PAX5: variants seen among roughly 807,000 people sequenced by gnomAD.
PAX5 encodes the protein paired box protein Pax-5.
Under a neutral mutation model 43.7 loss-of-function variants are expected in PAX5, and 9 were observed. The observed-to-expected ratio is 0.21, with a 90% CI of 0.12 to 0.36. The LOEUF (loss-of-function observed/expected upper bound fraction) is 0.36. Ranked by LOEUF, PAX5 falls within the 10% of genes least tolerant of loss-of-function variation. The pLI, the probability that PAX5 is intolerant of heterozygous loss-of-function variation, is 1.00. For synonymous variants in PAX5, 228 were observed against 214.3 expected, an observed-to-expected ratio of 1.06 and a Z score of -0.56; for missense variants, 383 against 532.7, an observed-to-expected ratio of 0.72 and a Z score of 2.77.
chr9:37,026,563 A>G, intron 1 of PAX5: 1 of 1,339,794 alleles, frequency 7.5e-7, no homozygotes, highest in Non-Finnish European at 9.8e-7. Flanking sequence ...TCGTGCTTAC[A>G]GTGTATTTCC....
chr9:36,857,430 C>T (rs564995401), intron 8 of PAX5, among the ~76,000 whole-genome samples: 3 of 152,306 alleles, frequency 2.0e-5, no homozygotes, highest in Admixed American at 6.5e-5. Context: ...CAGTGAAATG[C>T]GCCTAGGCTT....
chr9:36,854,853 G>A (rs988296973), intron 8 of PAX5, among the ~76,000 whole-genome samples: 4 of 152,092 alleles, frequency 2.6e-5, no homozygotes, highest in Non-Finnish European at 4.4e-5. Context: ...GGGTGAGCAT[G>A]AGGGGCAGAA....
At chr9:36,962,077 T>C (rs1373063653) in intron 6 of PAX5, among the ~76,000 whole-genome samples, 5 of 152,006 alleles carry the variant, frequency 3.3e-5, no homozygotes, top group African/African-American at 1.2e-4. Flanking sequence ...CGGGAAAAGC[T>C]GCAAGTGGGG....
At chr9:37,023,648 G>C (rs148699707) in intron 1 of PAX5, among the ~76,000 whole-genome samples, 122 of 152,282 alleles carry the variant, frequency 8.0e-4, no homozygotes, top group Non-Finnish European at 1.5e-3. Context: ...CCCTGATAAG[G>C]TCATGCTACC....
At chr9:37,002,809 A>AG in intron 4 of PAX5, 33 bp from the exon 5 acceptor site, 1 of 1,588,484 alleles carries the variant, frequency 6.3e-7, no homozygotes, top group Non-Finnish European at 8.6e-7. Flanking sequence ...TCAGGGCCGC[A>AG]GAGGGCTGAG....
At chr9:37,002,516 G>A (rs1837972772) in intron 5 of PAX5, 132 bp downstream of exon 5, 1 of 916,256 alleles carries the variant, frequency 1.1e-6, no homozygotes. Context: ...AGGACAGCGT[G>A]CGGGCCGGGG....
chr9:37,010,844 C>A lies in PAX5; in HGVS notation c.410+4153G>T, dbSNP rs1483262954. On this transcript the variant is annotated intron_variant, in intron 3 of 9. Transcript: ENST00000358127. The stretch of plus-strand genomic sequence containing the variant: ...AGGGGCCCCACAGGTGGCACCCAGG[C>A]CTGTGACTGTTGTGGAGAAGAAAGA... Among the ~76,000 whole-genome samples the A allele has an allele frequency of 1.3e-5, 2 of 152,134 alleles. 1 individual carries two copies. Among genetic ancestry groups the A allele is most frequent in the Admixed American group, 1.3e-4 (2 of 15,278 alleles).
At chr9:37,020,450 T>A (rs1289041480) in intron 2 of PAX5, among the ~76,000 whole-genome samples, 186 bp downstream of exon 2, 2 of 152,168 alleles carry the variant, frequency 1.3e-5, no homozygotes, top group African/African-American at 4.8e-5. Flanking sequence ...ATTCCACATG[T>A]CACTAGAGAC....
At chr9:36,936,852 A>ACATG (rs1554667466) in intron 6 of PAX5, among the ~76,000 whole-genome samples, 3,355 of 14,232 alleles carry the variant, frequency 0.24, 100 homozygotes, top group African/African-American at 0.28. Context: ...ACACACATGC[A>ACATG]CACACACACA....
At chr9:36,850,642 T>G (rs1472768445) in intron 8 of PAX5, among the ~76,000 whole-genome samples, 3 of 152,164 alleles carry the variant, frequency 2.0e-5, no homozygotes, top group African/African-American at 7.2e-5. Context: ...GGGAAACTTT[T>G]CTTTACGTAT....
At chr9:36,983,971 T>C (rs376373875) in intron 5 of PAX5, among the ~76,000 whole-genome samples, 1 of 152,228 alleles carries the variant, frequency 6.6e-6, no homozygotes, top group African/African-American at 2.4e-5. Flanking sequence ...ATAAATGTAC[T>C]TCCTTGATCA....
Position 36,860,000 on chromosome 9 carries a change from A to T in PAX5, c.1013-13071T>A, listed in dbSNP as rs189230743. 6.0e-5 allele frequency among the ~76,000 whole-genome samples: 9 copies of T among 151,060 alleles called. No homozygotes were observed. In the East Asian group the frequency reaches 1.6e-3, roughly 26 times the overall value. On this transcript the variant is annotated intron_variant, in intron 8 of 9. Transcript: ENST00000358127. ...CAGTTAGCTGAGATCACGCCACTGC[A>T]CTCAAGCCTGGGTGACAGAGTGAGG...
In PAX5 at chr9:36,840,024, G is replaced by A. The variant is rs573732269; in HGVS notation, c.*536C>T. 4.0e-6 allele frequency: 1 copy of A among 250,330 alleles called. No homozygotes were observed. The highest frequency in any genetic ancestry group is 5.0e-5 in the Admixed American group (1 of 20,190). 15.5% of individuals were successfully genotyped at this position (250,330 alleles called of 1,614,324 possible). A position where few individuals can be genotyped will look rare whatever the true frequency, so the allele number is the denominator to read the frequency against. On this transcript the variant is annotated 3_prime_UTR_variant, in exon 10 of 10. Coordinates refer to ENST00000358127, the MANE Select transcript of PAX5 (RefSeq NM_016734.3). ...TCCTCCATCTTGAGGACAGCTCTGAGCGCACCTGCCAGGGTCACCCAGGGC... is the reference window on the plus strand; with the variant it reads ...TCCTCCATCTTGAGGACAGCTCTGAACGCACCTGCCAGGGTCACCCAGGGC...
chr9:36,879,598 G>A (rs11793661), intron 8 of PAX5, among the ~76,000 whole-genome samples: 2,766 of 152,216 alleles, frequency 0.018, 32 homozygotes, highest in Middle Eastern at 0.068. Flanking sequence ...CAAAGACTGG[G>A]GTTCAAGTCC....
At chr9:37,013,218 C>T (rs1178134951) in intron 3 of PAX5, among the ~76,000 whole-genome samples, 1 of 152,236 alleles carries the variant, frequency 6.6e-6, no homozygotes, top group African/African-American at 2.4e-5. Context: ...ACCCATGGTC[C>T]TGGCAGCATT....
intron 5 of PAX5, among the ~76,000 whole-genome samples, chr9:36,990,579 A>T (rs1046580871): frequency 1.3e-5 from 2 of 152,244 alleles, no homozygotes; most frequent in Admixed American, 1.3e-4. Context: ...GACATTGGAG[A>T]TGGGGACCAG....
intron 1 of PAX5, among the ~76,000 whole-genome samples, chr9:37,028,099 G>A (rs1050195629): frequency 1.3e-5 from 2 of 152,128 alleles, no homozygotes; most frequent in African/African-American, 4.8e-5. Flanking sequence ...TGAGAATGGG[G>A]GAAGTCTCCA....
intron 6 of PAX5, among the ~76,000 whole-genome samples, chr9:36,946,246 C>G (rs950794370): frequency 6.6e-6 from 1 of 152,326 alleles, no homozygotes. Flanking sequence ...CATGGCCCAG[C>G]TGCCCCTGAG....
chr9:36,964,677 G>A (rs1162875657), intron 6 of PAX5, among the ~76,000 whole-genome samples: 4 of 151,794 alleles, frequency 2.6e-5, no homozygotes, highest in Admixed American at 2.0e-4. Context: ...TTTCCTGATC[G>A]AGGCCCCTCT....
Sources: allele counts gnomAD v4.1 joint callset (sites outside exome capture counted in the v4.1 genomes callset), GRCh38; gene constraint gnomAD v4.1.1; transcripts MANE v1.5; gene names NCBI Gene and HGNC (gene_info 2026-07-23, HGNC 2026-07-21).